Variants in ST6GALNAC3 observed in about 807,000 individuals in gnomAD.
The protein encoded by ST6GALNAC3 is alpha-N-acetylgalactosaminide alpha-2,6-sialyltransferase 3.
In ST6GALNAC3, 25 loss-of-function variants were observed where a neutral mutation model predicts 32.7. That is an observed-to-expected ratio of 0.76 (90% CI 0.56 to 1.07). The LOEUF is 1.07. Among genes scored for constraint, ST6GALNAC3 ranks in the 50% least tolerant of loss-of-function variants. The probability of loss-of-function intolerance (pLI) is 0.00; values close to 1 mark genes in which losing one functional copy is unlikely to be tolerated. For synonymous variants in ST6GALNAC3, 129 were observed against 133.1 expected, an observed-to-expected ratio of 0.97 and a Z score of 0.21; for missense variants, 355 against 382.4, an observed-to-expected ratio of 0.93 and a Z score of 0.60.
chr1:76,284,141 T>C (rs1473917648), intron 1 of ST6GALNAC3, among the ~76,000 whole-genome samples: 3 of 152,212 alleles, frequency 2.0e-5, no homozygotes, highest in Admixed American at 6.5e-5. Context: ...TAATTTTTTT[T>C]CCTCTGGTGT....
intron 3 of ST6GALNAC3, among the ~76,000 whole-genome samples, chr1:76,477,519 G>A (rs879686406): frequency 6.6e-6 from 1 of 152,114 alleles, no homozygotes; most frequent in Non-Finnish European, 1.5e-5. Flanking sequence ...CCTGCACTGG[G>A]GCCTGACTTC....
At chr1:76,592,158 CTG>C (rs1435047735) in intron 3 of ST6GALNAC3, among the ~76,000 whole-genome samples, 8 of 152,126 alleles carry the variant, frequency 5.3e-5, no homozygotes, top group Non-Finnish European at 1.0e-4. Context: ...AGAAAACTCA[CTG>C]TGTCAGCAGT....
chr1:76,519,780 A>G lies in ST6GALNAC3; in HGVS notation c.623+107363A>G, dbSNP rs189381150. Among the ~76,000 whole-genome samples, 575 of 151,782 alleles carry G rather than the reference A, an allele frequency of 3.8e-3. 4 individuals carry two copies. The highest frequency in any genetic ancestry group is 0.013 in the African/African-American group (539 of 41,262). ...ACTATTCTGCTGATTTATTAAGTTT[A>G]TGGTAATTGTGCTTTTAATTTCCAA... On this transcript the variant is annotated intron_variant, in intron 3 of 4. Transcript: ENST00000328299.
intron 3 of ST6GALNAC3, among the ~76,000 whole-genome samples, chr1:76,425,873 G>T (rs74089930): frequency 6.6e-6 from 1 of 151,822 alleles, no homozygotes; most frequent in Non-Finnish European, 1.5e-5. Flanking sequence ...TCACTGTGTT[G>T]CCCACAGCCC....
intron 1 of ST6GALNAC3, among the ~76,000 whole-genome samples, chr1:76,149,270 T>G (rs1013815296): frequency 6.6e-6 from 1 of 152,188 alleles, no homozygotes; most frequent in Non-Finnish European, 1.5e-5. Context: ...CATTCAACCA[T>G]GTATAGTGAA....
chr1:76,567,296 G>T (rs114245872), intron 3 of ST6GALNAC3, among the ~76,000 whole-genome samples: 25 of 152,182 alleles, frequency 1.6e-4, no homozygotes, highest in African/African-American at 6.0e-4. Context: ...GCTGGTATAG[G>T]CTCTGAAATT....
intron 2 of ST6GALNAC3, among the ~76,000 whole-genome samples, chr1:76,328,722 T>C (rs1314737978): frequency 6.6e-6 from 1 of 152,194 alleles, no homozygotes; most frequent in Non-Finnish European, 1.5e-5. Context: ...TAATATATGC[T>C]CTCAATTTTG....
At chr1:76,206,312 G>A (rs976460539) in intron 1 of ST6GALNAC3, among the ~76,000 whole-genome samples, 1 of 152,188 alleles carries the variant, frequency 6.6e-6, no homozygotes, top group Non-Finnish European at 1.5e-5. Flanking sequence ...GGCTGTGGAA[G>A]GCAGTGGGGG....
chr1:76,261,060 G>T (rs1570612700), intron 1 of ST6GALNAC3, among the ~76,000 whole-genome samples: 1 of 151,638 alleles, frequency 6.6e-6, no homozygotes, highest in South Asian at 2.1e-4. Flanking sequence ...TAACTCAGGA[G>T]TTTATTCTTT....
chr1:76,340,839 T>C (rs1431839559), intron 2 of ST6GALNAC3, among the ~76,000 whole-genome samples: 1 of 151,974 alleles, frequency 6.6e-6, no homozygotes, highest in African/African-American at 2.4e-5. Context: ...ATTAACACCT[T>C]AGGTTTAAGG....
chr1:76,141,620 A>G (rs117681952), intron 1 of ST6GALNAC3, among the ~76,000 whole-genome samples: 2 of 152,204 alleles, frequency 1.3e-5, no homozygotes, highest in Non-Finnish European at 2.9e-5. Context: ...GCATGTACAG[A>G]TGGATTTTTG....
At chr1:76,444,433 C>T (rs369895918) in intron 3 of ST6GALNAC3, among the ~76,000 whole-genome samples, 2 of 152,056 alleles carry the variant, frequency 1.3e-5, no homozygotes, top group South Asian at 2.1e-4. Context: ...CAGTAAACAA[C>T]AGGCAAGTTC....
At chr1:76,284,020 G>A (rs1347282739) in intron 1 of ST6GALNAC3, among the ~76,000 whole-genome samples, 1 of 152,002 alleles carries the variant, frequency 6.6e-6, no homozygotes, top group Non-Finnish European at 1.5e-5. Context: ...TGGCTTGTTG[G>A]GATTGGATCA....
chr1:76,522,612 A>T (rs1662616799), intron 3 of ST6GALNAC3, among the ~76,000 whole-genome samples: 1 of 152,150 alleles, frequency 6.6e-6, no homozygotes, highest in Non-Finnish European at 1.5e-5. Context: ...TATTTCTAGA[A>T]ATCCCATCTC....
intron 2 of ST6GALNAC3, among the ~76,000 whole-genome samples, chr1:76,379,476 A>C (rs1389513270): frequency 6.6e-6 from 1 of 152,106 alleles, no homozygotes; most frequent in Non-Finnish European, 1.5e-5. Flanking sequence ...AATTGAGAAC[A>C]TTTGCAGCTG....
chr1:76,390,027 A>G (rs563405266), intron 2 of ST6GALNAC3, among the ~76,000 whole-genome samples: 7 of 152,192 alleles, frequency 4.6e-5, no homozygotes, highest in Middle Eastern at 3.4e-3. Flanking sequence ...CTGACCTTTA[A>G]TCCAGCTCTT....
At chr1:76,081,690 C>G (rs1236510059) in intron 1 of ST6GALNAC3, among the ~76,000 whole-genome samples, 1 of 152,100 alleles carries the variant, frequency 6.6e-6, no homozygotes, top group Non-Finnish European at 1.5e-5. Flanking sequence ...TTATGTGAAC[C>G]TATGTGTCCT....
intron 3 of ST6GALNAC3, among the ~76,000 whole-genome samples, chr1:76,525,791 G>GTGTGTGTGTATA (rs1438917629): frequency 1.3e-5 from 1 of 75,530 alleles, no homozygotes; most frequent in Non-Finnish European, 3.0e-5. Context: ...GTGTGTGTGT[G>GTGTGTGTGTATA]TATATATATA....
At chr1:76,356,431 G>C (rs1293296047) in intron 2 of ST6GALNAC3, among the ~76,000 whole-genome samples, 1 of 43,150 alleles carries the variant, frequency 2.3e-5, no homozygotes, top group Non-Finnish European at 4.0e-5. Flanking sequence ...TGAACAGTAG[G>C]GTTAAAAAAA....
Sources: allele counts gnomAD v4.1 joint callset (sites outside exome capture counted in the v4.1 genomes callset), GRCh38; gene constraint gnomAD v4.1.1; transcripts MANE v1.5; gene names NCBI Gene and HGNC (gene_info 2026-07-23, HGNC 2026-07-21).